The following DEGS2 variants were observed in gnomAD, a reference collection of about 807,000 sequenced individuals.
DEGS2 encodes delta 4-desaturase, sphingolipid 2.
A neutral mutation model predicts 23.8 loss-of-function variants in DEGS2; 19 were observed. The observed-to-expected ratio is 0.80, with a 90% CI of 0.56 to 1.17. DEGS2 has a LOEUF of 1.17. DEGS2 is among the 50% of genes most tolerant of loss of function. The pLI is 0.00. For synonymous variants in DEGS2, 218 were observed against 213.7 expected, an observed-to-expected ratio of 1.02 and a Z score of -0.18; for missense variants, 390 against 459.5, an observed-to-expected ratio of 0.85 and a Z score of 1.38.
chr14:100,165,200 C>T, the DEGS2 span, among the ~76,000 whole-genome samples: 6 of 152,182 alleles, frequency 3.9e-5, no homozygotes, highest in African/African-American at 9.7e-5. Flanking sequence ...GCCCTGATCA[C>T]ACCAGGGCCA....
At chr14:100,153,028 A>G (rs1056914853) in intron 1 of DEGS2, among the ~76,000 whole-genome samples, 1 of 152,048 alleles carries the variant, frequency 6.6e-6, no homozygotes, top group Non-Finnish European at 1.5e-5. Context: ...AGGCTGAGGC[A>G]GGAGGTTTCC....
Position 100,144,129 on chromosome 14 carries a change from C to T in DEGS2, c.*2632G>A, listed in dbSNP as rs1889380026. On this transcript the variant is annotated 3_prime_UTR_variant, in exon 3 of 3. Transcript: ENST00000305631. ...CCCAGCGTGGCGCCACCACACACCGCAGAGCTGTCCAGGCACAGCTCCGTC... is the reference window on the plus strand; with the variant it reads ...CCCAGCGTGGCGCCACCACACACCGTAGAGCTGTCCAGGCACAGCTCCGTC... 1 of 288,462 alleles carries T rather than the reference C, an allele frequency of 3.5e-6. No homozygotes were observed. The highest frequency in any genetic ancestry group is 4.8e-5 in the Admixed American group (1 of 20,686). 17.9% of individuals were successfully genotyped at this position (288,462 alleles called of 1,614,324 possible).
chr14:100,150,387 A>ACCCCCCCCCCCCC (rs778863717), intron 1 of DEGS2, among the ~76,000 whole-genome samples: 13 of 92,314 alleles, frequency 1.4e-4, no homozygotes, highest in East Asian at 6.6e-4. Context: ...CCACCCCAAC[A>ACCCCCCCCCCCCC]CCCCCCCCCG....
chr14:100,159,385 G>T, intron 1 of DEGS2, 121 bp downstream of exon 1: 1 of 766,318 alleles, frequency 1.3e-6, no homozygotes, highest in East Asian at 3.4e-5. Context: ...CGGCAATGGC[G>T]GAACGCCCAC....
In DEGS2 at chr14:100,149,487, C is replaced by A. The variant is rs138470491; in HGVS notation, c.306G>T (p.Ala102=). ...ACACGGCCAGCCAGCGGTTGCGTGC[C>A]GCACGGCCCGTGCCGAAGGCCGCGT... ...SHNAAFGTGR[A]ARNRWLAVFA... The change falls in exon 2 of 3, where the codon GCG becomes GCT. Residue 102 remains alanine (A), a synonymous_variant. Coordinates refer to ENST00000305631, the MANE Select transcript of DEGS2 (RefSeq NM_206918.3). 1 of 1,598,028 alleles carries A rather than the reference C, an allele frequency of 6.3e-7. No homozygotes were observed. Among genetic ancestry groups the A allele is most frequent in the South Asian group, 1.1e-5 (1 of 89,398 alleles).
chr14:100,149,610 C>T lies in DEGS2; in HGVS notation c.183G>A (p.Val61=). The T allele has an allele frequency of 1.9e-6, 3 of 1,611,252 alleles. No homozygotes were observed. The highest frequency in any genetic ancestry group is 1.7e-5 in the Admixed American group (1 of 59,862). The part of the protein sequence containing the change: ...VLVQMLACWL[V]RGLAWRWLLF... The stretch of plus-strand genomic sequence containing the variant: ...GCAGCCAGCGCCAGGCCAGCCCGCG[C>T]ACCAGCCAGCAGGCCAGCATCTGCA... The change falls in exon 2 of 3, where the codon GTG becomes GTA. Residue 61 remains valine (V), a synonymous_variant. Coordinates refer to ENST00000305631, the MANE Select transcript of DEGS2 (RefSeq NM_206918.3).
At chr14:100,157,861 G>A (rs1566743361) in intron 1 of DEGS2, among the ~76,000 whole-genome samples, 4 of 152,162 alleles carry the variant, frequency 2.6e-5, no homozygotes, top group South Asian at 4.1e-4. Flanking sequence ...GCAGAGGCGG[G>A]TGAATCACCT....
chr14:100,165,950 C>CCA, the DEGS2 span, among the ~76,000 whole-genome samples: 1 of 106,124 alleles, frequency 9.4e-6, no homozygotes, highest in Non-Finnish European at 2.0e-5. Flanking sequence ...TCAGGGGAGC[C>CCA]TGCCTGGGAG....
the DEGS2 span, among the ~76,000 whole-genome samples, chr14:100,165,591 G>A: frequency 2.0e-5 from 3 of 152,222 alleles, no homozygotes; most frequent in Non-Finnish European, 4.4e-5. Flanking sequence ...GGCCGCGGAC[G>A]GGCGGTGCCC....
At chr14:100,164,551 C>T (rs985711622), upstream of DEGS2, among the ~76,000 whole-genome samples, 4 of 152,154 alleles carry the variant, frequency 2.6e-5, no homozygotes, top group African/African-American at 9.7e-5. Context: ...GCAGGAGAAT[C>T]ACTTGTACCA....
intron 1 of DEGS2, among the ~76,000 whole-genome samples, chr14:100,152,722 T>A (rs942644296): frequency 1.3e-5 from 2 of 152,130 alleles, no homozygotes; most frequent in African/African-American, 4.8e-5. Flanking sequence ...TACTGAGGGT[T>A]CCACCGTCGA....
In DEGS2 at chr14:100,144,992, G is replaced by C. The variant is rs1889411891; in HGVS notation, c.*1769C>G. ...CTTAGGAGGCTCCACTCTCTGAGTG[G>C]CTTCGCCTAGGCTTCACCTAGGTCT... On this transcript the variant is annotated 3_prime_UTR_variant, in exon 3 of 3. Transcript: ENST00000305631. 6.6e-6 allele frequency: 1 copy of C among 152,292 alleles called. No individual in the cohort carries two copies. Among genetic ancestry groups the C allele is most frequent in the Non-Finnish European group, 1.5e-5 (1 of 68,086 alleles). The allele number at this position is 152,292 out of a possible 1,614,324, so 9.4% of individuals were successfully genotyped here.
At position 100,149,628 on chromosome 14, in the gene DEGS2, C is replaced by G. The variant is rs772334104; in HGVS notation, c.165G>C (p.Met55Ile). ...WAVLVLVLVQ[M>I]LACWLVRGLA... ...GCCCGCGCACCAGCCAGCAGGCCAG[C>G]ATCTGCACCAGCACCAGCACCAGCA... The change falls in exon 2 of 3, where the codon ATG becomes ATC. Residue 55 changes from methionine (M) to isoleucine (I), a missense_variant. Met to Ile is a conservative substitution (Grantham distance 10). Transcript: ENST00000305631. 2.5e-6 allele frequency: 4 copies of G among 1,611,990 alleles called. No homozygotes were observed. Among genetic ancestry groups the G allele is most frequent in the Non-Finnish European group, 3.4e-6 (4 of 1,179,636 alleles).
chr14:100,163,196 C>CT (rs142833952), upstream of DEGS2, among the ~76,000 whole-genome samples: 1,410 of 152,134 alleles, frequency 9.3e-3, 71 homozygotes, highest in East Asian at 0.16. Flanking sequence ...AATCCCAGCA[C>CT]TTTGGGATGC....
At chr14:100,162,065 A>G (rs1368634101), upstream of DEGS2, among the ~76,000 whole-genome samples, 2 of 125,436 alleles carry the variant, frequency 1.6e-5, no homozygotes, top group Non-Finnish European at 3.4e-5. Flanking sequence ...AAATATAAAT[A>G]GGCCGGGCAC....
chr14:100,147,638 A>C (rs1889473740), intron 2 of DEGS2, among the ~76,000 whole-genome samples: 5 of 136,792 alleles, frequency 3.7e-5, no homozygotes, highest in South Asian at 2.3e-4. Flanking sequence ...CCCAGCTCCC[A>C]TCACAGGGAT....
At chr14:100,166,289 G>T in the DEGS2 span, among the ~76,000 whole-genome samples, 1 of 79,426 alleles carries the variant, frequency 1.3e-5, no homozygotes, top group African/African-American at 4.9e-5. Context: ...GGGGAGTGGG[G>T]GGAGCCTGCC....
chr14:100,148,858 C>T, intron 2 of DEGS2, 110 bp downstream of exon 2: 1 of 1,320,562 alleles, frequency 7.6e-7, no homozygotes, highest in Non-Finnish European at 1.0e-6. Flanking sequence ...ATGACTAGCA[C>T]AAAAAGGGAG....
chr14:100,166,590 T>G, the DEGS2 span, among the ~76,000 whole-genome samples: 2 of 152,092 alleles, frequency 1.3e-5, no homozygotes, highest in East Asian at 3.9e-4. Flanking sequence ...TGGGTCTCCC[T>G]GAGCACGAGC....
Sources: gnomAD v4.1 joint callset for allele counts (sites outside exome capture counted in the v4.1 genomes callset) on GRCh38, gnomAD v4.1.1 for gene constraint, MANE v1.5 for transcripts, NCBI Gene and HGNC (gene_info 2026-07-23, HGNC 2026-07-21) for gene names.